CELA3B: variants seen among roughly 807,000 people sequenced by gnomAD.
CELA3B encodes chymotrypsin like elastase 3B.
A neutral mutation model predicts 37.2 loss-of-function variants in CELA3B; 34 were observed. The ratio of observed to expected loss-of-function variants is 0.91; its 90% CI spans 0.70 to 1.22. The LOEUF (loss-of-function observed/expected upper bound fraction) is 1.22. Ranked by LOEUF, CELA3B falls within the 50% of genes most tolerant of loss-of-function variation. CELA3B has a pLI of 0.00. For synonymous variants in CELA3B, 127 were observed against 143.5 expected (o/e 0.89, Z 0.82); for missense variants, 340 against 363.1 (o/e 0.94, Z 0.52).
At chr1:21,997,391 CAAA>C (rs34063955) in intron 4 of CELA3B, among the ~76,000 whole-genome samples, 1 of 123,662 alleles carries the variant, frequency 8.1e-6, no homozygotes, top group Non-Finnish European at 1.6e-5. Context: ...AGACTCGTCT[CAAA>C]AAAAAAAAAA....
intron 1 of CELA3B, among the ~76,000 whole-genome samples, chr1:21,977,430 A>C (rs1218910264): frequency 6.6e-6 from 1 of 152,016 alleles, no homozygotes; most frequent in Non-Finnish European, 1.5e-5. Context: ...CACTCCCCCT[A>C]CCTGGCTCCA....
intron 6 of CELA3B, among the ~76,000 whole-genome samples, chr1:21,985,749 G>A (rs1644835084): frequency 6.6e-6 from 1 of 152,050 alleles, no homozygotes; most frequent in South Asian, 2.1e-4. Flanking sequence ...AAATTAGCCT[G>A]GCATGGTGGT....
rs1644886295 is a variant in CELA3B, at chr1:21,995,420, G to A, written c.505-2731G>A. ...CACAAAGTGCTAGGATTACAGGCAT[G>A]AGACACTGCACCCTGCTTGTTAAGA... On this transcript the variant is annotated intron_variant, in intron 4 of 4. Transcript: ENST00000400277. Among the ~76,000 whole-genome samples the A allele has an allele frequency of 2.0e-5, 3 of 151,140 alleles. No individual in the cohort carries two copies. The South Asian group carries it at 6.3e-4, about 31-fold the overall frequency.
chr1:21,980,589 G>C (rs56084150), intron 2 of CELA3B, among the ~76,000 whole-genome samples: 110,908 of 137,390 alleles, frequency 0.81, 45,951 homozygotes, highest in Non-Finnish European at 0.9. Flanking sequence ...AGGTCATAGT[G>C]CTGGTGTGGG....
chr1:21,986,210 T>G (rs1644837663), intron 6 of CELA3B, among the ~76,000 whole-genome samples: 1 of 150,776 alleles, frequency 6.6e-6, no homozygotes, highest in Admixed American at 6.6e-5. Flanking sequence ...CTCTATTAAA[T>G]ATACAAAAAT....
chr1:21,984,566 G>A (rs12122466), intron 6 of CELA3B, among the ~76,000 whole-genome samples: 4 of 151,830 alleles, frequency 2.6e-5, no homozygotes, highest in Non-Finnish European at 5.9e-5. Context: ...AAGTCACTGT[G>A]TCTCCCTGGT....
At position 21,980,896 on chromosome 1, in the gene CELA3B, G is replaced by T. The variant is rs757910149; in HGVS notation, c.202G>T (p.Val68Phe). ...CGGSLIAPDW[V>F]VTAGHCISSS... ...CGGTAGCCTCATCGCCCCCGACTGGGTTGTGACTGCCGGCCACTGCATCTC... is the reference window on the plus strand; with the variant it reads ...CGGTAGCCTCATCGCCCCCGACTGGTTTGTGACTGCCGGCCACTGCATCTC... Residue 68 changes from valine (V) to phenylalanine (F), a missense_variant, in exon 3 of 8, where the codon GTT becomes TTT. Val to Phe is a conservative substitution (Grantham distance 50). Coordinates refer to ENST00000337107, the MANE Select transcript of CELA3B (RefSeq NM_007352.4). 6.2e-7 allele frequency: 1 copy of T among 1,613,396 alleles called. No homozygotes were observed. Among genetic ancestry groups the T allele is most frequent in the South Asian group, 1.1e-5 (1 of 91,002 alleles).
intron 7 of CELA3B, 197 bp downstream of exon 7, chr1:21,986,880 G>A: frequency 4.7e-6 from 3 of 634,298 alleles, no homozygotes; most frequent in Non-Finnish European, 8.3e-6. Flanking sequence ...TGGCTTCTGG[G>A]TGGTGCTTGG....
chr1:21,979,402 A>T (rs1174503179), intron 2 of CELA3B, among the ~76,000 whole-genome samples: 3 of 149,660 alleles, frequency 2.0e-5, no homozygotes, highest in African/African-American at 7.4e-5. Context: ...AATGTTAACA[A>T]TTCAATTCCT....
In CELA3B at chr1:21,996,620, T is replaced by A. The variant is rs754968483; in HGVS notation, c.505-1531T>A. Among the ~76,000 whole-genome samples the A allele has an allele frequency of 6.0e-5, 9 of 151,254 alleles. 1 individual carries two copies. Among genetic ancestry groups the A allele is most frequent in the Non-Finnish European group, 1.2e-4 (8 of 67,908 alleles). Reference sequence around the variant, plus strand: ...CTTGCTTTCACTTTCCTCTACGAACTCGCCCTGAATTCTTTCTTGCACAAG... The same window carrying A: ...CTTGCTTTCACTTTCCTCTACGAACACGCCCTGAATTCTTTCTTGCACAAG... On this transcript the variant is annotated intron_variant, in intron 4 of 4. Transcript: ENST00000400277.
At chr1:21,978,218 T>C in intron 1 of CELA3B, 151 bp from the exon 2 acceptor site, 1 of 630,900 alleles carries the variant, frequency 1.6e-6, no homozygotes, top group African/African-American at 1.8e-5. Context: ...AAATGTTCAC[T>C]ATTCATATGT....
At chr1:21,998,592 C>T (rs1342345327) in exon 5 of CELA3B, 1 of 158,634 alleles carries the variant, frequency 6.3e-6, no homozygotes, top group Non-Finnish European at 1.4e-5. Flanking sequence ...GAGTCCTTTC[C>T]CTTCCTTCAT....
downstream of CELA3B, among the ~76,000 whole-genome samples, chr1:21,992,348 G>A (rs1479473309): frequency 1.3e-5 from 2 of 151,714 alleles, no homozygotes; most frequent in Non-Finnish European, 2.9e-5. Context: ...CACTATGGTC[G>A]CACCTGTGAA....
intron 4 of CELA3B, among the ~76,000 whole-genome samples, chr1:21,981,919 G>T (rs557176954): frequency 1.3e-4 from 19 of 151,902 alleles, no homozygotes; most frequent in Non-Finnish European, 2.6e-4. Flanking sequence ...TAGAGACGGG[G>T]TTTCACCGTG....
At position 21,981,049 on chromosome 1, in the gene CELA3B, C is replaced by T. The variant is rs199652584; in HGVS notation, c.239C>T (p.Thr80Ile). The T allele has an allele frequency of 2.5e-6, 4 of 1,613,986 alleles. No individual in the cohort carries two copies. The highest frequency in any genetic ancestry group is 3.4e-6 in the Non-Finnish European group (4 of 1,180,034). Residue 80 changes from threonine (T) to isoleucine (I), a missense_variant, in exon 4 of 8, where the codon ACC becomes ATC. By Grantham distance (89) the Thr-to-Ile change is moderately conservative (BLOSUM62 -1). Transcript: ENST00000337107. ...ACCTCCGCCCGCAGGAGCTCCCGGA[C>T]CTACCAGGTGGTGTTGGGCGAGTAC... ...TAGHCISSSR[T>I]YQVVLGEYDR...
At chr1:21,984,097 C>G (rs1276922811) in intron 5 of CELA3B, 92 bp from the exon 6 acceptor site, 1 of 1,473,476 alleles carries the variant, frequency 6.8e-7, no homozygotes, top group Non-Finnish European at 9.3e-7. Context: ...CTCATCAGAG[C>G]AGAAGAACTG....
chr1:21,987,032 G>C (rs540655667), intron 7 of CELA3B: 1 of 380,214 alleles, frequency 2.6e-6, no homozygotes, highest in Non-Finnish European at 5.3e-6. Flanking sequence ...GAATGAGAAC[G>C]ATGCAGTCTG....
chr1:21,979,616 C>A (rs1420561725), intron 2 of CELA3B, among the ~76,000 whole-genome samples: 4 of 151,406 alleles, frequency 2.6e-5, no homozygotes, highest in African/African-American at 9.7e-5. Flanking sequence ...CCATGCCCAG[C>A]TAATTTTTAT....
downstream of CELA3B, among the ~76,000 whole-genome samples, chr1:21,989,681 T>TA (rs1371513571): frequency 1.3e-5 from 2 of 151,024 alleles, 1 homozygote; most frequent in Non-Finnish European, 2.9e-5. Flanking sequence ...AATCTGCAGA[T>TA]AAACAGACCC....
Sources: allele counts gnomAD v4.1 joint callset (sites outside exome capture counted in the v4.1 genomes callset), GRCh38; gene constraint gnomAD v4.1.1; transcripts MANE v1.5; gene names NCBI Gene and HGNC (gene_info 2026-07-23, HGNC 2026-07-21).